TBXAS1: variants seen among roughly 807,000 people sequenced by gnomAD.
TBXAS1 encodes thromboxane A synthase 1.
TBXAS1 carries 48 observed loss-of-function variants against 60.7 expected under a neutral mutation model. The observed-to-expected ratio is 0.79, with a 90% CI of 0.63 to 1.01. The LOEUF is 1.01. Ranked by LOEUF, TBXAS1 falls within the 50% of genes least tolerant of loss-of-function variation. The pLI is 0.00. For missense variants in TBXAS1, 685 were observed against 686.3 expected (o/e 1.00, Z 0.02); for synonymous variants, 287 against 269.7 (o/e 1.06, Z -0.63).
chr7:139,905,049 TTCTTTCTTTCTC>T (rs1366698803), intron 3 of TBXAS1, among the ~76,000 whole-genome samples: 3 of 90,164 alleles, frequency 3.3e-5, no homozygotes, highest in African/African-American at 5.8e-5. Context: ...CTTTCTTTCT[TTCTTTCTTTCTC>T]TCTCTCTCTC....
intron 1 of TBXAS1, among the ~76,000 whole-genome samples, chr7:139,858,816 C>T (rs1290085633): frequency 1.3e-5 from 2 of 152,078 alleles, no homozygotes; most frequent in African/African-American, 4.8e-5. Flanking sequence ...AGAAGGTACA[C>T]GGACTTTAAA....
intron 10 of TBXAS1, among the ~76,000 whole-genome samples, chr7:140,012,520 G>A (rs1001182134): frequency 6.6e-6 from 1 of 150,580 alleles, no homozygotes; most frequent in Non-Finnish European, 1.5e-5. Context: ...GTACAGTGGT[G>A]CGATCTCAGC....
At chr7:139,908,956 T>C (rs1805309622) in intron 3 of TBXAS1, among the ~76,000 whole-genome samples, 1 of 152,240 alleles carries the variant, frequency 6.6e-6, no homozygotes, top group Non-Finnish European at 1.5e-5. Flanking sequence ...GACTTGTGAT[T>C]GACAGCTATT....
intron 1 of TBXAS1, among the ~76,000 whole-genome samples, chr7:139,846,212 C>T (rs994579280): frequency 6.6e-5 from 10 of 152,172 alleles, no homozygotes; most frequent in Admixed American, 2.6e-4. Flanking sequence ...CCGAGCACTT[C>T]GGCAGCTTGC....
At chr7:140,009,882 C>T (rs1327529601) in intron 10 of TBXAS1, among the ~76,000 whole-genome samples, 4 of 99,432 alleles carry the variant, frequency 4.0e-5, no homozygotes, top group African/African-American at 1.3e-4. Context: ...CACCTCCATG[C>T]CCGCCCCACA....
chr7:139,987,537 A>T (rs1812587088), intron 9 of TBXAS1, among the ~76,000 whole-genome samples: 1 of 152,176 alleles, frequency 6.6e-6, no homozygotes, highest in South Asian at 2.1e-4. Flanking sequence ...TTCTTGCAGG[A>T]GCACGCAGGA....
Position 140,005,171 on chromosome 7 carries a change from G to A in TBXAS1, c.1135-1920G>A, listed in dbSNP as rs117423723. On this transcript the variant is annotated intron_variant, in intron 9 of 12. Transcript: ENST00000448866. The stretch of plus-strand genomic sequence containing the variant: ...CGTCCGGGTGCAGTGGCTCACGCCT[G>A]TAACTCCAGCACTTTGGAAGGCCGA... Among the ~76,000 whole-genome samples the A allele has an allele frequency of 1.1e-4, 16 of 152,370 alleles. 1 individual carries two copies. In the East Asian group the frequency reaches 2.5e-3, roughly 24 times the overall value.
Position 140,002,368 on chromosome 7 carries a change from TG to T in TBXAS1, c.1135-4720del, listed in dbSNP as rs143606793. On this transcript the variant is annotated intron_variant, in intron 9 of 12. Transcript: ENST00000448866. ...CTTTGGGTTCACAGGCCTTCCTCTC[TG>T]GGCCTCATTTTTCTCCTCTCTGTCA... Among the ~76,000 whole-genome samples the T allele has an allele frequency of 7.2e-3, 1,097 of 152,376 alleles. 11 individuals carry two copies. The highest frequency in any genetic ancestry group is 0.012 in the Non-Finnish European group (824 of 68,038).
intron 1 of TBXAS1, among the ~76,000 whole-genome samples, chr7:139,843,845 T>C (rs1479563093): frequency 6.6e-6 from 1 of 152,222 alleles, no homozygotes; most frequent in Admixed American, 6.5e-5. Flanking sequence ...TGTGTGTGTG[T>C]GCATGCCTGT....
chr7:139,936,365 A>G, intron 5 of TBXAS1, 58 bp downstream of exon 5: 1 of 1,544,592 alleles, frequency 6.5e-7, no homozygotes, highest in Non-Finnish European at 8.9e-7. Flanking sequence ...TTCTCTCCAA[A>G]TCGTGATGAG....
chr7:139,846,285 C>T (rs573273872), intron 1 of TBXAS1, among the ~76,000 whole-genome samples: 5 of 152,222 alleles, frequency 3.3e-5, no homozygotes, highest in African/African-American at 9.6e-5. Context: ...CCTTTCCACA[C>T]TTTCTATAAT....
intron 1 of TBXAS1, chr7:139,780,679 A>G (rs76507066): frequency 0.028 from 4,325 of 154,346 alleles, 177 homozygotes; most frequent in African/African-American, 0.098. Context: ...AATAAAAGTT[A>G]TTATTATTCT....
intron 9 of TBXAS1, among the ~76,000 whole-genome samples, chr7:139,983,572 G>A (rs116855177): frequency 0.012 from 1,803 of 152,114 alleles, 17 homozygotes; most frequent in Middle Eastern, 0.034. Context: ...GTAAACTGGC[G>A]GGAAGAAAGA....
intron 9 of TBXAS1, among the ~76,000 whole-genome samples, chr7:139,963,566 T>C (rs1179928496): frequency 6.6e-6 from 1 of 152,188 alleles, no homozygotes; most frequent in Non-Finnish European, 1.5e-5. Flanking sequence ...TTCTGTTTTA[T>C]ATGTAGTGGT....
At chr7:139,825,382 A>ATTG (rs1310162350), upstream of TBXAS1, among the ~76,000 whole-genome samples, 1 of 152,138 alleles carries the variant, frequency 6.6e-6, no homozygotes, top group African/African-American at 2.4e-5. Flanking sequence ...TTCACAGAGT[A>ATTG]TTGTCTCCAC....
chr7:139,799,380 C>A (rs959959015), intron 4 of TBXAS1, among the ~76,000 whole-genome samples: 1 of 152,040 alleles, frequency 6.6e-6, no homozygotes, highest in Non-Finnish European at 1.5e-5. Context: ...TATAGGCGCA[C>A]GCTGCCATGC....
chr7:139,954,648 T>A (rs541422534), intron 6 of TBXAS1, among the ~76,000 whole-genome samples: 1 of 152,344 alleles, frequency 6.6e-6, no homozygotes, highest in East Asian at 1.9e-4. Context: ...ACCCAGTTTT[T>A]AGCTTTTTGG....
chr7:139,874,700 C>A (rs905143192), intron 2 of TBXAS1, among the ~76,000 whole-genome samples: 2 of 152,124 alleles, frequency 1.3e-5, no homozygotes, highest in Non-Finnish European at 2.9e-5. Flanking sequence ...CCCACACCCA[C>A]CCCAACTCAT....
chr7:139,850,593 A>G (rs1180688090), intron 1 of TBXAS1, among the ~76,000 whole-genome samples: 1 of 152,162 alleles, frequency 6.6e-6, no homozygotes, highest in East Asian at 1.9e-4. Context: ...ATTCATGTCC[A>G]TTAAAACCTC....
Sources: allele counts gnomAD v4.1 joint callset (sites outside exome capture counted in the v4.1 genomes callset), GRCh38; gene constraint gnomAD v4.1.1; transcripts MANE v1.5; gene names NCBI Gene and HGNC (gene_info 2026-07-23, HGNC 2026-07-21).